Variants in USP46 observed in about 807,000 individuals in gnomAD.
USP46 encodes ubiquitin carboxyl-terminal hydrolase 46.
USP46 carries 12 observed loss-of-function variants against 44.4 expected under a neutral mutation model. The observed-to-expected ratio is 0.27, with a 90% CI of 0.17 to 0.44. The LOEUF (loss-of-function observed/expected upper bound fraction) is 0.44. USP46 is among the 20% of genes least tolerant of loss of function. The probability of loss-of-function intolerance (pLI) is 1.00; values close to 1 mark genes in which losing one functional copy is unlikely to be tolerated. For missense variants in USP46, 248 were observed against 444.8 expected, an observed-to-expected ratio of 0.56 and a Z score of 3.98; for synonymous variants, 155 against 161.5, an observed-to-expected ratio of 0.96 and a Z score of 0.31.
chr4:52,632,990 A>AAAGAAAGAAAGAAAAGAAAAG lies in USP46; in HGVS notation c.37-1847_37-1846insCTTTTCTTTTCTTTCTTTCTT. The stretch of plus-strand genomic sequence containing the variant: ...AAAGAAAGAAAGAAAGAAAGAAAAG[A>AAAGAAAGAAAGAAAAGAAAAG]AAAGAAAGAAAGAAAGAAAGAAAGA... On this transcript the variant is annotated intron_variant, in intron 1 of 8. Transcript: ENST00000441222. Among the ~76,000 whole-genome samples, 208 of 65,700 alleles carry AAAGAAAGAAAGAAAAGAAAAG rather than the reference A, an allele frequency of 3.2e-3. 2 individuals carry two copies. The highest frequency in any genetic ancestry group is 4.0e-3 in the Non-Finnish European group (129 of 32,650). 43.1% of individuals were successfully genotyped at this position (65,700 alleles called of 152,430 possible).
rs1216636159 is a variant in USP46, at chr4:52,596,228, C to T, written c.*1412G>A. On this transcript the variant is annotated 3_prime_UTR_variant, in exon 9 of 9. Transcript: ENST00000441222. ...TAGTTCACATTATGCCCAAAGTTTG[C>T]ATGTTCATCAGTGGATGCATTAGGT... is the stretch of plus-strand genomic sequence containing the variant. 2.6e-5 allele frequency: 4 copies of T among 152,632 alleles called. No individual in the cohort carries two copies. The highest frequency in any genetic ancestry group is 5.9e-5 in the Non-Finnish European group (4 of 68,046). The allele number at this position is 152,632 out of a possible 1,614,324, so 9.5% of individuals were successfully genotyped here.
chr4:52,656,201 C>T (rs999328149), intron 1 of USP46: 3 of 1,300,854 alleles, frequency 2.3e-6, no homozygotes, highest in African/African-American at 1.5e-5. Context: ...ACTACAACTA[C>T]TCAAACCAGC....
At chr4:52,652,098 C>G (rs755862634) in intron 1 of USP46, among the ~76,000 whole-genome samples, 24 of 152,142 alleles carry the variant, frequency 1.6e-4, no homozygotes, top group Non-Finnish European at 2.8e-4. Flanking sequence ...TCTCAGGCCC[C>G]TGAGTTGAAA....
intron 4 of USP46, among the ~76,000 whole-genome samples, chr4:52,618,738 C>G (rs73152470): frequency 1.8e-3 from 279 of 152,198 alleles, no homozygotes; most frequent in African/African-American, 6.4e-3. Flanking sequence ...GCAACTACAA[C>G]CAATTTGAAT....
At chr4:52,615,578 C>T (rs1025730873) in intron 4 of USP46, among the ~76,000 whole-genome samples, 2 of 152,182 alleles carry the variant, frequency 1.3e-5, no homozygotes, top group Non-Finnish European at 2.9e-5. Flanking sequence ...ATACATGCTA[C>T]ACCACCAATG....
At chr4:52,626,570 A>G (rs1436576697) in intron 3 of USP46, among the ~76,000 whole-genome samples, 1 of 151,978 alleles carries the variant, frequency 6.6e-6, no homozygotes, top group East Asian at 1.9e-4. Context: ...TGATTTGCCC[A>G]CCCTGGCCTC....
chr4:52,636,612 G>A (rs1439599531), intron 1 of USP46, among the ~76,000 whole-genome samples: 7 of 149,962 alleles, frequency 4.7e-5, no homozygotes, highest in Non-Finnish European at 4.4e-5. Flanking sequence ...AGGCTGAGGC[G>A]GGAGAATTGC....
intron 2 of USP46, chr4:52,628,364 T>C (rs1309379404): frequency 5.4e-6 from 3 of 555,252 alleles, no homozygotes; most frequent in African/African-American, 3.8e-5. Context: ...TGAAGAAAAA[T>C]GCACATCATT....
At chr4:52,605,306 T>C (rs763739633) in intron 5 of USP46, among the ~76,000 whole-genome samples, 1 of 152,234 alleles carries the variant, frequency 6.6e-6, no homozygotes, top group Non-Finnish European at 1.5e-5. Context: ...CATGAGGTTC[T>C]ACTCTGCTAC....
At chr4:52,617,651 T>C (rs538156503) in intron 4 of USP46, among the ~76,000 whole-genome samples, 6 of 152,324 alleles carry the variant, frequency 3.9e-5, no homozygotes, top group Admixed American at 6.5e-5. Context: ...AAGCAATTAA[T>C]GATCAAATAA....
intron 1 of USP46, among the ~76,000 whole-genome samples, chr4:52,632,968 G>GAAAGAA (rs1553891274): frequency 4.4e-4 from 33 of 74,816 alleles, no homozygotes; most frequent in Non-Finnish European, 7.4e-4. Flanking sequence ...AAGAAAGAAA[G>GAAAGAA]AAAGAAAGAA....
At chr4:52,628,335 C>T in intron 2 of USP46, 172 bp from the exon 3 acceptor site, 1 of 591,784 alleles carries the variant, frequency 1.7e-6, no homozygotes, top group Non-Finnish European at 2.9e-6. Context: ...CACCAGTGAC[C>T]ATCTGATCCA....
At position 52,659,231 on chromosome 4, in the gene USP46, G is replaced by A. The variant is rs1463013149; in HGVS notation, c.-81C>T. The A allele has an allele frequency of 1.4e-6, 2 of 1,439,470 alleles. No individual in the cohort carries two copies. The highest frequency in any genetic ancestry group is 1.8e-6 in the Non-Finnish European group (2 of 1,086,010). 89.2% of individuals were successfully genotyped at this position (1,439,470 alleles called of 1,614,324 possible). A position where few individuals can be genotyped will look rare whatever the true frequency, so the allele number is the denominator to read the frequency against. ...CTGCCCATGGTGGCGCGCTGGCGGG[G>A]AGGCCGGGCGGCAGCGCGGCGGCCT... On this transcript the variant is annotated 5_prime_UTR_variant, in exon 1 of 9. Transcript: ENST00000441222. The surrounding 1 kb of genome is among the most constrained non-coding windows in gnomAD (Gnocchi z 4.2).
At chr4:52,650,127 C>T (rs1218544294) in intron 1 of USP46, among the ~76,000 whole-genome samples, 1 of 152,180 alleles carries the variant, frequency 6.6e-6, no homozygotes, top group Non-Finnish European at 1.5e-5. Flanking sequence ...ATGAAGACAC[C>T]TGAGCAAAGA....
chr4:52,601,846 C>A lies in USP46; in HGVS notation c.920+11G>T. On this transcript the variant is annotated intron_variant, in intron 7 of 8. Coordinates refer to ENST00000441222, the MANE Select transcript of USP46 (RefSeq NM_022832.4). ...CTTACCCTGTATACCTGCTTCCAGT[C>A]TTGCCCTTACCTGCCACAGTGAACG... The A allele has an allele frequency of 6.2e-7, 1 of 1,611,320 alleles. No individual in the cohort carries two copies. Among genetic ancestry groups the A allele is most frequent in the East Asian group, 2.2e-5 (1 of 44,882 alleles).
intron 6 of USP46, among the ~76,000 whole-genome samples, chr4:52,603,414 G>A (rs1474226666): frequency 6.6e-6 from 1 of 152,196 alleles, no homozygotes; most frequent in Non-Finnish European, 1.5e-5. Context: ...TGGGAAGGCT[G>A]GGCAGAGAAA....
intron 5 of USP46, 73 bp downstream of exon 5, chr4:52,610,468 G>A (rs1716897950): frequency 2.3e-6 from 3 of 1,312,046 alleles, no homozygotes; most frequent in Middle Eastern, 1.8e-4. Context: ...ATGTCCTGAA[G>A]AAATACAGGA....
chr4:52,659,023 G>GCCCCAGCCA lies in USP46; in HGVS notation c.36+83_36+91dup. 1 of 1,432,678 alleles carries GCCCCAGCCA rather than the reference G, an allele frequency of 7.0e-7. No individual in the cohort carries two copies. Among genetic ancestry groups the GCCCCAGCCA allele is most frequent in the Non-Finnish European group, 9.3e-7 (1 of 1,079,928 alleles). 88.7% of individuals were successfully genotyped at this position (1,432,678 alleles called of 1,614,324 possible). On this transcript the variant is annotated intron_variant, in intron 1 of 8. Transcript: ENST00000441222. This position sits in a 1 kb window ranked among gnomAD's most constrained non-coding sequence, Gnocchi z 4.2. ...CGGCGCGGACCCCGCCGCCCCCGCCGCCCCAGCCACCGGGCGTGTGTGCAG... is the reference window on the plus strand; with the variant it reads ...CGGCGCGGACCCCGCCGCCCCCGCCGCCCCAGCCACCCCAGCCACCGGGCGTGTGTGCAG...
rs1045968454 is a variant in USP46 at position 52,616,662 on chromosome 4, C to T, written c.562-6045G>A. Among the ~76,000 whole-genome samples, 8 of 152,268 alleles carry T rather than the reference C, an allele frequency of 5.3e-5. No individual in the cohort carries two copies. The South Asian group carries it at 1.0e-3, about 20-fold the overall frequency. The stretch of plus-strand genomic sequence containing the variant: ...TGCTAGGATTATAGGCATGAGCCAC[C>T]GTGCCTGCCTGAGAGACCCTGTTTT... On this transcript the variant is annotated intron_variant, in intron 4 of 8. Coordinates refer to ENST00000441222, the MANE Select transcript of USP46 (RefSeq NM_022832.4).
Sources: gnomAD v4.1 joint callset for allele counts (sites outside exome capture counted in the v4.1 genomes callset) on GRCh38, gnomAD v4.1.1 for gene constraint, Gnocchi (gnomAD v3.1) non-coding constraint, MANE v1.5 for transcripts, NCBI Gene and HGNC (gene_info 2026-07-23, HGNC 2026-07-21) for gene names.